HACE1: variants seen among roughly 807,000 people sequenced by gnomAD.
HACE1 encodes E3 ubiquitin-protein ligase HACE1.
HACE1 carries 73 observed loss-of-function variants against 118.4 expected under a neutral mutation model. The ratio of observed to expected loss-of-function variants is 0.62; its 90% CI spans 0.51 to 0.75. The LOEUF (loss-of-function observed/expected upper bound fraction) is 0.75. Among genes scored for constraint, HACE1 ranks in the 30% least tolerant of loss-of-function variants. The pLI, the probability that HACE1 is intolerant of heterozygous loss-of-function variation, is 0.00. For missense variants in HACE1, 749 were observed against 1,102.2 expected, an observed-to-expected ratio of 0.68 and a Z score of 4.54; for synonymous variants, 368 against 374.8, an observed-to-expected ratio of 0.98 and a Z score of 0.21.
intron 19 of HACE1, among the ~76,000 whole-genome samples, chr6:104,752,104 C>G (rs1419604770): frequency 6.6e-6 from 1 of 152,136 alleles, no homozygotes; most frequent in East Asian, 1.9e-4. Context: ...CCCTGTGTGG[C>G]TCCTTTTATA....
At position 104,753,861 on chromosome 6, in the gene HACE1, C is replaced by T. The variant is rs141400881; in HGVS notation, c.2212-3389G>A. ...GAGTGCCTCTTCTCCTCCAAATGAC[C>T]GCAACACCTCTCCAGCAAAAGCACA... On this transcript the variant is annotated intron_variant, in intron 19 of 23. Coordinates refer to ENST00000262903, the MANE Select transcript of HACE1 (RefSeq NM_020771.4). Among the ~76,000 whole-genome samples the T allele has an allele frequency of 1.6e-3, 243 of 152,220 alleles. 2 individuals carry two copies. The highest frequency in any genetic ancestry group is 3.9e-3 in the Admixed American group (60 of 15,284).
chr6:104,817,102 AC>A (rs1195477674), intron 6 of HACE1, among the ~76,000 whole-genome samples: 1 of 152,156 alleles, frequency 6.6e-6, no homozygotes, highest in African/African-American at 2.4e-5. Context: ...CTCAGATGAG[AC>A]TTTGAACTGT....
In HACE1 at chr6:104,852,344, A is replaced by G; in HGVS notation, c.104T>C (p.Met35Thr). 1 of 1,609,052 alleles carries G rather than the reference A, an allele frequency of 6.2e-7. No homozygotes were observed. Residue 35 changes from methionine to threonine, a missense_variant, in exon 2 of 24, where the codon ATG becomes ACG. Around this residue, in one of 5 missense-constraint regions of HACE1, gnomAD observed 120 missense variants for 219.1 expected, o/e 0.55. Transcript: ENST00000262903. ...EDNETAVYTL[M>T]PMVMADQHRS... ...GTGTTGATCAGCCATAACCATTGGC[A>G]TTAATGTATAAACAGCAGTTTCATT...
chr6:104,762,729 A>G (rs9322814), intron 19 of HACE1, among the ~76,000 whole-genome samples: 85,902 of 151,818 alleles, frequency 0.57, 25,942 homozygotes, highest in African/African-American at 0.8. Context: ...GGTAGCTCAC[A>G]CCTGTAATCC....
intron 4 of HACE1, among the ~76,000 whole-genome samples, chr6:104,848,858 TATA>T (rs1370487796): frequency 6.6e-6 from 1 of 152,176 alleles, no homozygotes; most frequent in African/African-American, 2.4e-5. Flanking sequence ...AACTTCCACA[TATA>T]ATATTTTCAA....
intron 1 of HACE1, among the ~76,000 whole-genome samples, chr6:104,855,568 T>C (rs1776639532): frequency 6.6e-6 from 1 of 152,226 alleles, no homozygotes. Context: ...AAATAGACTC[T>C]GTTTTATCCT....
chr6:104,756,426 A>AATATAT (rs143518205), intron 19 of HACE1, among the ~76,000 whole-genome samples: 2 of 105,920 alleles, frequency 1.9e-5, no homozygotes, highest in Non-Finnish European at 3.9e-5. Context: ...AAAAAAAAAA[A>AATATAT]ATATATATAT....
chr6:104,741,976 G>C (rs1776778845), intron 22 of HACE1, among the ~76,000 whole-genome samples: 1 of 151,440 alleles, frequency 6.6e-6, no homozygotes, highest in Non-Finnish European at 1.5e-5. Context: ...TAGATCAATG[G>C]AACAGAACAG....
At chr6:104,845,168 T>C (rs1055827323) in intron 4 of HACE1, among the ~76,000 whole-genome samples, 5 of 152,040 alleles carry the variant, frequency 3.3e-5, no homozygotes, top group Admixed American at 2.6e-4. Context: ...GTATATACTA[T>C]ACATGAATAT....
chr6:104,855,220 A>C (rs1045218845), intron 1 of HACE1, among the ~76,000 whole-genome samples: 1 of 152,152 alleles, frequency 6.6e-6, no homozygotes, highest in African/African-American at 2.4e-5. Flanking sequence ...CAAGTCAGGC[A>C]GATCACAAGG....
chr6:104,858,461 G>C (rs1308983640), intron 1 of HACE1: 1 of 386,636 alleles, frequency 2.6e-6, no homozygotes. Flanking sequence ...AACACTTTGG[G>C]GGGAGCAGGG....
intron 20 of HACE1, among the ~76,000 whole-genome samples, chr6:104,748,737 A>G (rs1486551332): frequency 1.3e-5 from 2 of 152,234 alleles, no homozygotes; most frequent in Non-Finnish European, 2.9e-5. Flanking sequence ...AAAATGAACA[A>G]ATTACCAACT....
At chr6:104,793,967 C>T (rs1292996804) in intron 10 of HACE1, among the ~76,000 whole-genome samples, 1 of 152,168 alleles carries the variant, frequency 6.6e-6, no homozygotes, top group Admixed American at 6.5e-5. Flanking sequence ...TTAAAAACTA[C>T]TATTGTTTTG....
At chr6:104,806,550 A>T (rs1309711368) in intron 7 of HACE1, among the ~76,000 whole-genome samples, 1 of 152,228 alleles carries the variant, frequency 6.6e-6, no homozygotes, top group Non-Finnish European at 1.5e-5. Context: ...TGCACAACGC[A>T]GTTAGGGGCT....
chr6:104,789,092 T>C (rs942930736), intron 11 of HACE1, among the ~76,000 whole-genome samples: 1 of 152,078 alleles, frequency 6.6e-6, no homozygotes, highest in Non-Finnish European at 1.5e-5. Flanking sequence ...CTAGCAAAGA[T>C]TTTTACTTGA....
rs1776143025 is a variant in HACE1, at chr6:104,850,947, A to C, written c.181T>G (p.Phe61Val). ...SNSKFDVNYA[F>V]GRVKRSLLHI... The stretch of plus-strand genomic sequence containing the variant: ...AGCAAGCTTCTTTTCACACGTCCGA[A>C]TGCATAATTGACATCAAATTTTGAA... Residue 61 changes from phenylalanine to valine, a missense_variant, in exon 3 of 24, where the codon TTC becomes GTC. Phe to Val is a conservative substitution (Grantham distance 50, BLOSUM62 -1). Around this residue, in one of 5 missense-constraint regions of HACE1, gnomAD observed 120 missense variants for 219.1 expected, o/e 0.55. Transcript: ENST00000262903. 6.2e-7 allele frequency: 1 copy of C among 1,610,756 alleles called. No individual in the cohort carries two copies. The highest frequency in any genetic ancestry group is 8.5e-7 in the Non-Finnish European group (1 of 1,176,898).
In HACE1 at chr6:104,830,253, G is replaced by A. The variant is rs192021247; in HGVS notation, c.534+2789C>T. ...TATGCAATAGTGCCTTAAAAACCTGGGTCACTCAAGATTAGGACATTTCAC... is the reference window on the plus strand; with the variant it reads ...TATGCAATAGTGCCTTAAAAACCTGAGTCACTCAAGATTAGGACATTTCAC... On this transcript the variant is annotated intron_variant, in intron 6 of 23. Coordinates refer to ENST00000262903, the MANE Select transcript of HACE1 (RefSeq NM_020771.4). 8.0e-4 allele frequency among the ~76,000 whole-genome samples: 121 copies of A among 152,026 alleles called. 1 individual carries two copies. The highest frequency in any genetic ancestry group is 2.8e-3 in the African/African-American group (116 of 41,490).
rs377255249 is a variant in HACE1 at position 104,837,119 on chromosome 6, A to G, written c.403-3946T>C. 1.2e-4 allele frequency among the ~76,000 whole-genome samples: 19 copies of G among 152,354 alleles called. No homozygotes were observed. The East Asian group carries it at 3.5e-3, about 28-fold the overall frequency. On this transcript the variant is annotated intron_variant, in intron 5 of 23. Coordinates refer to ENST00000262903, the MANE Select transcript of HACE1 (RefSeq NM_020771.4). Reference sequence around the variant, plus strand: ...AAGCAACTCCAATCAAAATCCCAGCAAGGTTTTTTTGTAGACACAGACAAG... The same window carrying G: ...AAGCAACTCCAATCAAAATCCCAGCGAGGTTTTTTTGTAGACACAGACAAG...
At position 104,784,240 on chromosome 6, in the gene HACE1, A is replaced by G. The variant is rs1782090852; in HGVS notation, c.1479-67T>C. 4.3e-6 allele frequency: 4 copies of G among 936,788 alleles called. No individual in the cohort carries two copies. In the Admixed American group the frequency reaches 5.1e-5, roughly 12 times the overall value. 58.0% of individuals were successfully genotyped at this position (936,788 alleles called of 1,614,324 possible). A position where few individuals can be genotyped will look rare whatever the true frequency, so the allele number is the denominator to read the frequency against. On this transcript the variant is annotated intron_variant, in intron 13 of 23. Transcript: ENST00000262903. ...GTAGCATTAAGTGAAATGCAAATTCAGATACACTGACACTGAAACAGAAGA... is the reference window on the plus strand; with the variant it reads ...GTAGCATTAAGTGAAATGCAAATTCGGATACACTGACACTGAAACAGAAGA...
Sources: gnomAD v4.1 joint callset for allele counts (sites outside exome capture counted in the v4.1 genomes callset) on GRCh38, gnomAD v4.1.1 for gene constraint, gnomAD v4.1.1 regional missense constraint, MANE v1.5 for transcripts, NCBI Gene and HGNC (gene_info 2026-07-23, HGNC 2026-07-21) for gene names.